The following CSMD1 variants were observed in gnomAD, a reference collection of about 807,000 sequenced individuals.
The protein encoded by CSMD1 is CUB and Sushi multiple domains 1.
In CSMD1, 213 loss-of-function variants were observed where a neutral mutation model predicts 417.5. The ratio of observed to expected loss-of-function variants is 0.51; its 90% CI spans 0.46 to 0.57. The LOEUF is 0.57. CSMD1 is among the 20% of genes least tolerant of loss of function. The pLI, the probability that CSMD1 is intolerant of heterozygous loss-of-function variation, is 0.00. For synonymous variants in CSMD1, 2,862 were observed against 1,736.8 expected, an observed-to-expected ratio of 1.65 and a Z score of -16.11; for missense variants, 6,923 against 4,529.7, an observed-to-expected ratio of 1.53 and a Z score of -15.17.
chr8:3,885,985 T>TTA (rs956167220), intron 5 of CSMD1, among the ~76,000 whole-genome samples: 8 of 151,998 alleles, frequency 5.3e-5, no homozygotes, highest in South Asian at 2.1e-4. Flanking sequence ...TTGATTCAAA[T>TTA]TATATATATA....
intron 2 of CSMD1, among the ~76,000 whole-genome samples, chr8:4,443,076 T>G (rs1798576117): frequency 6.6e-6 from 1 of 152,134 alleles, no homozygotes; most frequent in Admixed American, 6.5e-5. Context: ...GAGTCAGAGG[T>G]GGTATCTGCC....
chr8:4,036,518 C>G (rs534103398), intron 3 of CSMD1, among the ~76,000 whole-genome samples: 55 of 152,256 alleles, frequency 3.6e-4, no homozygotes, highest in African/African-American at 1.3e-3. Context: ...CAAGAGACAG[C>G]TACTACCATA....
intron 25 of CSMD1, among the ~76,000 whole-genome samples, chr8:3,295,014 T>C (rs918247913): frequency 6.6e-6 from 1 of 152,238 alleles, no homozygotes; most frequent in African/African-American, 2.4e-5. Context: ...TGTGTATTTG[T>C]ATTCCTAAAC....
At chr8:4,098,827 A>C (rs17068970) in intron 3 of CSMD1, among the ~76,000 whole-genome samples, 121,637 of 152,126 alleles carry the variant, frequency 0.8, 48,758 homozygotes, top group Middle Eastern at 0.85. Context: ...TCTTCTCATC[A>C]CTAAGGCTAT....
chr8:3,482,598 G>C (rs949330120), intron 11 of CSMD1, among the ~76,000 whole-genome samples: 5 of 152,164 alleles, frequency 3.3e-5, no homozygotes, highest in African/African-American at 1.2e-4. Flanking sequence ...TTAGCAAACA[G>C]GCAGAAAATA....
At chr8:4,795,625 T>A (rs1192565212) in intron 1 of CSMD1, among the ~76,000 whole-genome samples, 2 of 152,086 alleles carry the variant, frequency 1.3e-5, no homozygotes, top group Non-Finnish European at 2.9e-5. Context: ...AACACACACT[T>A]GTTCCTCAGA....
chr8:4,901,260 T>G (rs1473044392), intron 1 of CSMD1, among the ~76,000 whole-genome samples: 1 of 152,204 alleles, frequency 6.6e-6, no homozygotes, highest in African/African-American at 2.4e-5. Flanking sequence ...TTTTAACCTC[T>G]AGAAAACAAA....
chr8:3,168,525 A>C (rs945985426), intron 37 of CSMD1, among the ~76,000 whole-genome samples: 2 of 152,132 alleles, frequency 1.3e-5, no homozygotes, highest in Non-Finnish European at 2.9e-5. Flanking sequence ...TGAGCCTGAC[A>C]ATGGAGGAAG....
At chr8:4,426,473 T>C (rs1321865361) in intron 2 of CSMD1, among the ~76,000 whole-genome samples, 1 of 148,174 alleles carries the variant, frequency 6.7e-6, no homozygotes, top group Non-Finnish European at 1.5e-5. Context: ...GACTACAGTT[T>C]ATATATATGA....
intron 46 of CSMD1, among the ~76,000 whole-genome samples, chr8:3,102,419 G>A (rs1302060760): frequency 6.6e-6 from 1 of 152,154 alleles, no homozygotes; most frequent in Non-Finnish European, 1.5e-5. Context: ...CGCCTCCTGA[G>A]GTGTGGAGTG....
chr8:4,152,031 T>C (rs190235974), intron 3 of CSMD1, among the ~76,000 whole-genome samples: 112 of 152,322 alleles, frequency 7.4e-4, no homozygotes, highest in African/African-American at 2.1e-3. Context: ...TTTAGCTCGA[T>C]ACCTTCATTT....
chr8:3,420,687 C>A (rs1813433616), intron 12 of CSMD1, among the ~76,000 whole-genome samples: 1 of 152,042 alleles, frequency 6.6e-6, no homozygotes. Context: ...TAGTCAAATT[C>A]TAAACTTTTG....
chr8:4,191,107 T>C (rs533332666), intron 3 of CSMD1, among the ~76,000 whole-genome samples: 2 of 148,968 alleles, frequency 1.3e-5, no homozygotes, highest in African/African-American at 5.2e-5. Flanking sequence ...TTGAAAAAAA[T>C]TCAACAAGGC....
intron 5 of CSMD1, among the ~76,000 whole-genome samples, chr8:3,773,537 T>C (rs1184548938): frequency 6.6e-6 from 1 of 152,160 alleles, no homozygotes; most frequent in African/African-American, 2.4e-5. Context: ...TCCTCCCACC[T>C]TGGCCTCCCA....
Position 4,948,534 on chromosome 8 carries a change from G to A in CSMD1, c.85+45798C>T, listed in dbSNP as rs1327244006. 2.0e-5 allele frequency among the ~76,000 whole-genome samples: 3 copies of A among 151,956 alleles called. No homozygotes were observed. The East Asian group carries it at 5.8e-4, about 29-fold the overall frequency. The stretch of plus-strand genomic sequence containing the variant: ...AAAGTTTCATAATCTTGTGAATACT[G>A]GTTTTGTAAATCTGCTAGAAAATTT... On this transcript the variant is annotated intron_variant, in intron 1 of 69. Coordinates refer to ENST00000635120, the MANE Select transcript of CSMD1 (RefSeq NM_033225.6).
chr8:4,775,519 G>A (rs1258695275), intron 1 of CSMD1, among the ~76,000 whole-genome samples: 1 of 152,202 alleles, frequency 6.6e-6, no homozygotes, highest in Non-Finnish European at 1.5e-5. Flanking sequence ...TAAGAATTCA[G>A]GGGTTCCTAT....
In CSMD1 at chr8:3,091,558, C is replaced by A; in HGVS notation, c.7243G>T (p.Asp2415Tyr). The change falls in exon 48 of 70, where the codon GAC (aspartate) becomes TAC (tyrosine). Residue 2415 changes from aspartate to tyrosine, a missense_variant. Physicochemically the swap from Asp to Tyr is radical, Grantham distance 160. Transcript: ENST00000635120. ...SNQLYLRWST[D>Y]HATSKKGFKI... ...AATCCTTTCTTACTGGTGGCATGGT[C>A]AGTGGACCAGCGGAGATATAACTGA... 2 of 1,610,108 alleles carry A rather than the reference C, an allele frequency of 1.2e-6. No homozygotes were observed. The highest frequency in any genetic ancestry group is 1.1e-5 in the South Asian group (1 of 90,384).
chr8:3,734,565 G>A (rs1217874625), intron 6 of CSMD1, among the ~76,000 whole-genome samples: 1 of 152,134 alleles, frequency 6.6e-6, no homozygotes, highest in Non-Finnish European at 1.5e-5. Flanking sequence ...ACCCAAAATA[G>A]CTAGGCCTGG....
At chr8:4,453,888 C>A (rs1799311725) in intron 2 of CSMD1, among the ~76,000 whole-genome samples, 1 of 135,194 alleles carries the variant, frequency 7.4e-6, no homozygotes, top group African/African-American at 2.7e-5. Flanking sequence ...CTGGCGCGAC[C>A]TCGGCTCACT....
Sources: gnomAD v4.1 joint callset for allele counts (sites outside exome capture counted in the v4.1 genomes callset) on GRCh38, gnomAD v4.1.1 for gene constraint, MANE v1.5 for transcripts, NCBI Gene and HGNC (gene_info 2026-07-23, HGNC 2026-07-21) for gene names.